The following FAM13A variants were observed in gnomAD, a reference collection of about 807,000 sequenced individuals.
FAM13A encodes family with sequence similarity 13 member A.
In FAM13A, 76 loss-of-function variants were observed where a neutral mutation model predicts 129.6. The ratio of observed to expected loss-of-function variants is 0.59; its 90% CI spans 0.49 to 0.71. The LOEUF is 0.71. FAM13A is among the 30% of genes least tolerant of loss of function. The probability of loss-of-function intolerance (pLI) is 0.00; values close to 1 mark genes in which losing one functional copy is unlikely to be tolerated. For synonymous variants in FAM13A, 443 were observed against 449.9 expected (o/e 0.98, Z 0.20); for missense variants, 1,108 against 1,249.3 (o/e 0.89, Z 1.70).
At chr4:88,786,127 T>A (rs922795335) in intron 10 of FAM13A, among the ~76,000 whole-genome samples, 1 of 152,110 alleles carries the variant, frequency 6.6e-6, no homozygotes, top group Non-Finnish European at 1.5e-5. Context: ...TGAGGCTGTG[T>A]TTCACATTTC....
intron 7 of FAM13A, among the ~76,000 whole-genome samples, chr4:88,815,866 A>C (rs1014477802): frequency 2.0e-5 from 3 of 152,060 alleles, no homozygotes; most frequent in Admixed American, 2.0e-4. Context: ...TTCCATTGAC[A>C]GATGTATGTT....
intron 7 of FAM13A, among the ~76,000 whole-genome samples, chr4:88,830,902 T>TA (rs1375399432): frequency 6.6e-6 from 1 of 151,490 alleles, no homozygotes; most frequent in African/African-American, 2.4e-5. Flanking sequence ...CCAAAAAGAT[T>TA]AAGTACTGAT....
chr4:88,965,085 T>C (rs1321530305), intron 4 of FAM13A, among the ~76,000 whole-genome samples: 1 of 152,212 alleles, frequency 6.6e-6, no homozygotes, highest in East Asian at 1.9e-4. Flanking sequence ...CCTTTTATAA[T>C]TGAACAGGCA....
chr4:89,029,240 T>C (rs1251555473), intron 2 of FAM13A, among the ~76,000 whole-genome samples: 1 of 152,226 alleles, frequency 6.6e-6, no homozygotes, highest in Non-Finnish European at 1.5e-5. Flanking sequence ...TCTCTATAAT[T>C]AAAGTGATTG....
At chr4:88,839,011 T>C (rs1374572552) in intron 7 of FAM13A, among the ~76,000 whole-genome samples, 3 of 152,148 alleles carry the variant, frequency 2.0e-5, no homozygotes, top group Admixed American at 1.3e-4. Context: ...TCTCTCTATA[T>C]AAAGAATATT....
At chr4:89,034,455 A>G (rs1386769220) in intron 1 of FAM13A, among the ~76,000 whole-genome samples, 1 of 152,246 alleles carries the variant, frequency 6.6e-6, no homozygotes, top group Non-Finnish European at 1.5e-5. Flanking sequence ...AGAAAAGGGT[A>G]CATTTATATG....
intron 1 of FAM13A, among the ~76,000 whole-genome samples, chr4:89,047,769 G>C (rs1308861262): frequency 1.3e-5 from 2 of 152,080 alleles, no homozygotes; most frequent in Admixed American, 6.6e-5. Context: ...ATCTAATAAA[G>C]GACTTGTATC....
chr4:88,798,382 T>C (rs1217553406), intron 8 of FAM13A, among the ~76,000 whole-genome samples: 1 of 152,188 alleles, frequency 6.6e-6, no homozygotes, highest in East Asian at 1.9e-4. Flanking sequence ...ACACTGAGTA[T>C]TCTTGTCTGA....
At chr4:88,962,510 A>G (rs1758766945) in intron 4 of FAM13A, among the ~76,000 whole-genome samples, 1 of 152,182 alleles carries the variant, frequency 6.6e-6, no homozygotes, top group Non-Finnish European at 1.5e-5. Flanking sequence ...TTTGGCTGCA[A>G]TCTGAGTAAG....
intron 3 of FAM13A, among the ~76,000 whole-genome samples, chr4:89,010,226 A>C (rs1464125746): frequency 6.6e-6 from 1 of 152,152 alleles, no homozygotes; most frequent in East Asian, 1.9e-4. Context: ...ATATAAGTAA[A>C]ACTTTAACCT....
intron 5 of FAM13A, among the ~76,000 whole-genome samples, chr4:88,927,845 G>T (rs1156676050): frequency 6.6e-6 from 1 of 151,536 alleles, no homozygotes; most frequent in African/African-American, 2.4e-5. Flanking sequence ...GTATTTTTGG[G>T]GGATTTCTTA....
chr4:89,021,929 T>C (rs1013303404), intron 2 of FAM13A, among the ~76,000 whole-genome samples: 6 of 152,064 alleles, frequency 3.9e-5, no homozygotes, highest in African/African-American at 1.4e-4. Context: ...GAGTAGCTGG[T>C]TTACGGCAGA....
At chr4:89,003,283 G>GAA (rs33992424) in intron 3 of FAM13A, among the ~76,000 whole-genome samples, 23 of 146,490 alleles carry the variant, frequency 1.6e-4, no homozygotes, top group South Asian at 2.1e-4. Context: ...GAGCAATTTG[G>GAA]AAAAAAAAAA....
intron 5 of FAM13A, among the ~76,000 whole-genome samples, chr4:88,912,937 C>A (rs149988902): frequency 8.2e-4 from 125 of 151,982 alleles, no homozygotes; most frequent in African/African-American, 2.9e-3. Context: ...GCTGTGATCA[C>A]ACCACTGCAC....
chr4:89,020,713 A>G, intron 2 of FAM13A, 44 bp from the exon 3 acceptor site: 1 of 1,311,018 alleles, frequency 7.6e-7, no homozygotes, highest in Non-Finnish European at 1.1e-6. Flanking sequence ...GGTTTCTCAC[A>G]GACATGAAAC....
Position 88,728,116 on chromosome 4 carries a change from T to G in FAM13A, c.*417A>C, listed in dbSNP as rs982028241. 4 of 170,822 alleles carry G rather than the reference T, an allele frequency of 2.3e-5. No homozygotes were observed. The highest frequency in any genetic ancestry group is 9.5e-5 in the African/African-American group (4 of 42,226). 10.6% of individuals were successfully genotyped at this position (170,822 alleles called of 1,614,324 possible). A position where few individuals can be genotyped will look rare whatever the true frequency, so the allele number is the denominator to read the frequency against. On this transcript the variant is annotated 3_prime_UTR_variant, in exon 24 of 24. Coordinates refer to ENST00000264344, the MANE Select transcript of FAM13A (RefSeq NM_014883.4). The stretch of plus-strand genomic sequence containing the variant: ...AGCAAGTTTGCTCTATAGAATAAAG[T>G]CCTGAGCTTGTTTTTATCACAGTTA...
intron 5 of FAM13A, among the ~76,000 whole-genome samples, chr4:88,927,023 C>T (rs557832468): frequency 8.3e-4 from 126 of 152,100 alleles, no homozygotes; most frequent in Non-Finnish European, 1.5e-3. Flanking sequence ...TCCAATTCTC[C>T]CTTGATGGAC....
Position 88,991,181 on chromosome 4 carries a change from G to A in FAM13A, c.428-31C>T, listed in dbSNP as rs1762881535. On this transcript the variant is annotated intron_variant, in intron 3 of 23. Coordinates refer to ENST00000264344, the MANE Select transcript of FAM13A (RefSeq NM_014883.4). ...AAAAAAAAGAATAAAAATGTTCTAA[G>A]GTATATTTCACAGTAACAACAACAA... is the stretch of plus-strand genomic sequence containing the variant. The A allele has an allele frequency of 4.5e-6, 7 of 1,551,714 alleles. No individual in the cohort carries two copies. In the South Asian group the frequency reaches 4.6e-5, roughly 10 times the overall value.
intron 2 of FAM13A, among the ~76,000 whole-genome samples, chr4:89,021,866 A>G (rs1436884483): frequency 8.6e-6 from 1 of 115,928 alleles, no homozygotes; most frequent in Non-Finnish European, 2.0e-5. Flanking sequence ...AAAAGTAGGA[A>G]TACAGGAAAA....
Sources: allele counts gnomAD v4.1 joint callset (sites outside exome capture counted in the v4.1 genomes callset), GRCh38; gene constraint gnomAD v4.1.1; transcripts MANE v1.5; gene names NCBI Gene and HGNC (gene_info 2026-07-23, HGNC 2026-07-21).